The following RBAK variants were observed in gnomAD, a reference collection of about 807,000 sequenced individuals.
The protein encoded by RBAK is RB-associated KRAB zinc finger protein.
RBAK carries 39 observed loss-of-function variants against 65.8 expected under a neutral mutation model. That is an observed-to-expected ratio of 0.59 (90% confidence interval 0.46 to 0.77). The LOEUF is 0.77. Among genes scored for constraint, RBAK ranks in the 30% least tolerant of loss-of-function variants. The pLI, the probability that RBAK is intolerant of heterozygous loss-of-function variation, is 0.00. For missense variants in RBAK, 884 were observed against 855.1 expected (o/e 1.03, Z -0.42); for synonymous variants, 343 against 289.7 (o/e 1.18, Z -1.87).
rs1779225965 is a variant in RBAK at position 5,066,643 on chromosome 7, A to G, written c.*1042A>G. On this transcript the variant is annotated 3_prime_UTR_variant, in exon 5 of 5. Coordinates refer to ENST00000396912, the MANE Select transcript of RBAK (RefSeq NM_021163.4). ...ATTCTCCTTTTTCCCAGTATTTCAG[A>G]ACAAATTGATTCAAGTTTCTAGCAG... 1 of 152,158 alleles carries G rather than the reference A, an allele frequency of 6.6e-6. No individual in the cohort carries two copies. The highest frequency in any genetic ancestry group is 2.4e-5 in the African/African-American group (1 of 41,454). 9.4% of individuals were successfully genotyped at this position (152,158 alleles called of 1,614,324 possible). A position where few individuals can be genotyped will look rare whatever the true frequency, so the allele number is the denominator to read the frequency against.
intron 3 of RBAK, 61 bp downstream of exon 3, chr7:5,057,482 A>C (rs933268432): frequency 3.1e-6 from 5 of 1,613,724 alleles, no homozygotes; most frequent in Non-Finnish European, 4.2e-6. Context: ...TTGAGTTTGA[A>C]GAAATAAGTG....
chr7:5,067,242 A>G lies in RBAK; in HGVS notation c.*1641A>G, dbSNP rs542792077. 3.3e-5 allele frequency: 5 copies of G among 152,308 alleles called. No homozygotes were observed. Among genetic ancestry groups the G allele is most frequent in the Non-Finnish European group, 5.9e-5 (4 of 67,996 alleles). 9.4% of individuals were successfully genotyped at this position (152,308 alleles called of 1,614,324 possible). On this transcript the variant is annotated 3_prime_UTR_variant, in exon 5 of 5. Transcript: ENST00000396912. The stretch of plus-strand genomic sequence containing the variant: ...ACAAAAGGCATAGAGATTAGAAAAG[A>G]AGTAAAACTTTAAAAACGAAAAAGA...
At chr7:5,055,249 TG>T (rs1314269067) in intron 2 of RBAK, among the ~76,000 whole-genome samples, 1 of 32,952 alleles carries the variant, frequency 3.0e-5, no homozygotes, top group African/African-American at 1.5e-4. Context: ...GGCATAAATG[TG>T]TGTGTGTGTG....
intron 2 of RBAK, among the ~76,000 whole-genome samples, chr7:5,054,694 G>A (rs1270123274): frequency 6.6e-6 from 1 of 152,024 alleles, no homozygotes; most frequent in African/African-American, 2.4e-5. Context: ...TCAGTTTCCT[G>A]AGTGCTGGGA....
chr7:5,054,470 AT>A (rs1788181923), intron 2 of RBAK, among the ~76,000 whole-genome samples: 1 of 148,354 alleles, frequency 6.7e-6, no homozygotes, highest in Admixed American at 6.7e-5. Flanking sequence ...TCTGTTTTTG[AT>A]TTTGTTGTTG....
intron 2 of RBAK, among the ~76,000 whole-genome samples, chr7:5,049,422 C>G (rs1457170188): frequency 6.6e-6 from 1 of 152,184 alleles, no homozygotes; most frequent in Non-Finnish European, 1.5e-5. Flanking sequence ...AATACAGTTA[C>G]TCTCTTGTGA....
Position 5,064,776 on chromosome 7 carries a change from G to T in RBAK, c.1320G>T (p.Arg440=). ...GCGAGTGTGGGAAATTCTTTTCTCG[G>T]GTGTCATACCTCACTATACATTATA... ...QCSECGKFFS[R]VSYLTIHYRS... The change falls in exon 5 of 5, where the codon CGG becomes CGT. Residue 440 remains arginine (R), a synonymous_variant. Transcript: ENST00000396912. This position sits in a 1 kb window ranked among gnomAD's most constrained non-coding sequence, Gnocchi z 6.3. 1 of 1,613,910 alleles carries T rather than the reference G, an allele frequency of 6.2e-7. No individual in the cohort carries two copies. Among genetic ancestry groups the T allele is most frequent in the East Asian group, 2.2e-5 (1 of 44,880 alleles).
At chr7:5,055,929 G>T (rs561414940) in intron 2 of RBAK, among the ~76,000 whole-genome samples, 1 of 151,906 alleles carries the variant, frequency 6.6e-6, no homozygotes, top group Non-Finnish European at 1.5e-5. Flanking sequence ...CACTGGATTT[G>T]AACCCCTTGT....
At chr7:5,062,031 T>A (rs1376754102) in intron 4 of RBAK, among the ~76,000 whole-genome samples, 1 of 152,220 alleles carries the variant, frequency 6.6e-6, no homozygotes, top group Non-Finnish European at 1.5e-5. Flanking sequence ...TTCAGAATGC[T>A]TATTTGCATT....
chr7:5,064,016 A>G lies in RBAK; in HGVS notation c.560A>G (p.Tyr187Cys), dbSNP rs1193054670. Reference sequence around the variant, plus strand: ...GAATTTAATCAAAATGGGGATACCTATTCTCACAATGAAGAAAATATTCTT... The same window carrying G: ...GAATTTAATCAAAATGGGGATACCTGTTCTCACAATGAAGAAAATATTCTT... ...MCEFNQNGDT[Y>C]SHNEENILQK... Residue 187 changes from tyrosine (Y) to cysteine (C), a missense_variant, in exon 5 of 5, where the codon TAT (tyrosine) becomes TGT (cysteine). Tyr to Cys is a radical substitution (Grantham distance 194, BLOSUM62 -2). Coordinates refer to ENST00000396912, the MANE Select transcript of RBAK (RefSeq NM_021163.4). The surrounding 1 kb of genome is among the most constrained non-coding windows in gnomAD (Gnocchi z 6.3). 5.6e-6 allele frequency: 9 copies of G among 1,613,548 alleles called. No individual in the cohort carries two copies. The highest frequency in any genetic ancestry group is 4.5e-5 in the East Asian group (2 of 44,844).
Position 5,065,829 on chromosome 7 carries a change from G to A in RBAK, c.*228G>A, listed in dbSNP as rs542772322. 1 of 338,658 alleles carries A rather than the reference G, an allele frequency of 3.0e-6. No homozygotes were observed. The highest frequency in any genetic ancestry group is 4.6e-5 in the East Asian group (1 of 21,604). The allele number at this position is 338,658 out of a possible 1,614,324, so 21.0% of individuals were successfully genotyped here. On this transcript the variant is annotated 3_prime_UTR_variant, in exon 5 of 5. Transcript: ENST00000396912. This position sits in a 1 kb window ranked among gnomAD's most constrained non-coding sequence, Gnocchi z 5.3. ...TCATCGGACACTAATTTATATAGGA[G>A]TGAAGTTTTATAAATATTTAATATT...
intron 4 of RBAK, among the ~76,000 whole-genome samples, chr7:5,059,916 G>T (rs1562537884): frequency 6.6e-6 from 1 of 151,864 alleles, no homozygotes; most frequent in Non-Finnish European, 1.5e-5. Context: ...AACTCTGATG[G>T]GATTATATAT....
chr7:5,049,326 G>T (rs1032896633), intron 2 of RBAK, among the ~76,000 whole-genome samples: 3 of 152,170 alleles, frequency 2.0e-5, no homozygotes, highest in Non-Finnish European at 4.4e-5. Context: ...TGTTTTTACT[G>T]TTGAGTCCTA....
At chr7:5,060,864 G>A (rs1343077259) in intron 4 of RBAK, among the ~76,000 whole-genome samples, 1 of 152,188 alleles carries the variant, frequency 6.6e-6, no homozygotes. Flanking sequence ...AGTACCATCA[G>A]GGTTGCATTG....
In RBAK at chr7:5,046,292, T is replaced by A. The variant is rs754236861; in HGVS notation, c.-149T>A. ...CCCCTCGGGAGCAGAACAACCTTAGTGAGGTGGACAGGAGGGGACCTCGCG... is the reference window on the plus strand; with the variant it reads ...CCCCTCGGGAGCAGAACAACCTTAGAGAGGTGGACAGGAGGGGACCTCGCG... On this transcript the variant is annotated 5_prime_UTR_variant, in exon 1 of 5. Coordinates refer to ENST00000396912, the MANE Select transcript of RBAK (RefSeq NM_021163.4). 22 of 516,182 alleles carry A rather than the reference T, an allele frequency of 4.3e-5. No individual in the cohort carries two copies. The highest frequency in any genetic ancestry group is 3.5e-4 in the African/African-American group (18 of 51,816). 32.0% of individuals were successfully genotyped at this position (516,182 alleles called of 1,614,324 possible).
chr7:5,061,840 G>A (rs934593952), intron 4 of RBAK, among the ~76,000 whole-genome samples: 25 of 151,872 alleles, frequency 1.6e-4, no homozygotes, highest in African/African-American at 5.8e-4. Flanking sequence ...GGAGGTTGCA[G>A]TGAGCCAAAA....
chr7:5,054,070 C>G (rs1446832343), intron 2 of RBAK, among the ~76,000 whole-genome samples: 2 of 152,160 alleles, frequency 1.3e-5, no homozygotes, highest in Non-Finnish European at 2.9e-5. Flanking sequence ...TATTTCCCAT[C>G]ACTCATAGAT....
rs1056114529 is a variant in RBAK at position 5,068,651 on chromosome 7, G to C, written c.*3050G>C. 6.6e-6 allele frequency: 1 copy of C among 152,184 alleles called. No individual in the cohort carries two copies. The highest frequency in any genetic ancestry group is 1.5e-5 in the Non-Finnish European group (1 of 68,038). The allele number at this position is 152,184 out of a possible 1,614,324, so 9.4% of individuals were successfully genotyped here. A position where few individuals can be genotyped will look rare whatever the true frequency, so the allele number is the denominator to read the frequency against. On this transcript the variant is annotated 3_prime_UTR_variant, in exon 5 of 5. Coordinates refer to ENST00000396912, the MANE Select transcript of RBAK (RefSeq NM_021163.4). Reference sequence around the variant, plus strand: ...CATCGATAAAACCATTTTGAAAGCTGGCACTAAAAGCCAAGCATATGTATA... The same window carrying C: ...CATCGATAAAACCATTTTGAAAGCTCGCACTAAAAGCCAAGCATATGTATA...
At chr7:5,058,685 GT>G (rs1264613500) in intron 4 of RBAK, among the ~76,000 whole-genome samples, 10 of 152,102 alleles carry the variant, frequency 6.6e-5, no homozygotes, top group Admixed American at 5.2e-4. Flanking sequence ...CCGTCTGTGT[GT>G]TCATTTCCCC....
Sources: gnomAD v4.1 joint callset for allele counts (sites outside exome capture counted in the v4.1 genomes callset) on GRCh38, gnomAD v4.1.1 for gene constraint, Gnocchi (gnomAD v3.1) non-coding constraint, MANE v1.5 for transcripts, NCBI Gene and HGNC (gene_info 2026-07-23, HGNC 2026-07-21) for gene names.